SPATA1: variants seen among roughly 807,000 people sequenced by gnomAD.
SPATA1 encodes the protein spermatogenesis-associated protein 1.
A neutral mutation model predicts 59.6 loss-of-function variants in SPATA1; 57 were observed. The ratio of observed to expected loss-of-function variants is 0.96; its 90% CI spans 0.77 to 1.19. SPATA1 has a LOEUF of 1.19. SPATA1 is among the 50% of genes most tolerant of loss of function. The pLI is 0.00. For synonymous variants in SPATA1, 147 were observed against 163.9 expected, an observed-to-expected ratio of 0.90 and a Z score of 0.79; for missense variants, 448 against 480.7, an observed-to-expected ratio of 0.93 and a Z score of 0.64.
chr1:84,563,678 G>A, intron 4 of SPATA1: 2 of 1,023,864 alleles, frequency 2.0e-6, no homozygotes, highest in Non-Finnish European at 1.4e-6. Flanking sequence ...TGAAAACAGA[G>A]AGACTCTAAA....
rs527681007 is a variant in SPATA1 at position 84,511,258 on chromosome 1, A to T, written c.-138+4840A>T. ...ATGCCTGTATCAAAATATTTCATGT[A>T]CCCATAAATATATACACCTACTACA... On this transcript the variant is annotated intron_variant, in intron 1 of 12. Transcript: ENST00000490879. 2.6e-5 allele frequency among the ~76,000 whole-genome samples: 4 copies of T among 152,326 alleles called. No individual in the cohort carries two copies. The South Asian group carries it at 8.3e-4, about 32-fold the overall frequency.
At chr1:84,514,970 CAA>C (rs1333837315) in intron 1 of SPATA1, among the ~76,000 whole-genome samples, 6 of 146,444 alleles carry the variant, frequency 4.1e-5, no homozygotes, top group Non-Finnish European at 7.5e-5. Context: ...GACTCTGTCT[CAA>C]AAAAAAAGAA....
chr1:84,525,125 C>G (rs1032616381), intron 4 of SPATA1, among the ~76,000 whole-genome samples: 3 of 152,082 alleles, frequency 2.0e-5, no homozygotes, highest in African/African-American at 7.2e-5. Context: ...AGCCACCACA[C>G]CTGGCTAATT....
intron 6 of SPATA1, 63 bp downstream of exon 6, chr1:84,526,136 C>A: frequency 7.1e-7 from 1 of 1,402,380 alleles, no homozygotes. Flanking sequence ...GCAGTCAAGT[C>A]TGTAAGCAAA....
At chr1:84,522,619 C>T (rs1057481492) in intron 4 of SPATA1, 112 bp downstream of exon 4, 2 of 470,020 alleles carry the variant, frequency 4.3e-6, no homozygotes, top group Non-Finnish European at 7.4e-6. Flanking sequence ...TATGTAATCT[C>T]AATCAAAATG....
intron 4 of SPATA1, among the ~76,000 whole-genome samples, chr1:84,562,799 A>G (rs1472572404): frequency 6.6e-6 from 1 of 152,148 alleles, no homozygotes; most frequent in Non-Finnish European, 1.5e-5. Flanking sequence ...TGAAAATGAT[A>G]GTTTTTCCAT....
At chr1:84,566,781 C>T (rs773508653), downstream of SPATA1, among the ~76,000 whole-genome samples, 19 of 152,188 alleles carry the variant, frequency 1.2e-4, no homozygotes, top group African/African-American at 3.1e-4. Context: ...TACAGGCATG[C>T]GCCACCACGC....
chr1:84,540,063 A>C (rs1279751790), intron 8 of SPATA1, among the ~76,000 whole-genome samples: 1 of 152,108 alleles, frequency 6.6e-6, no homozygotes, highest in Non-Finnish European at 1.5e-5. Flanking sequence ...TATTTGATAT[A>C]TTCCCATTCT....
intron 4 of SPATA1, chr1:84,563,899 T>C (rs1684641023): frequency 2.0e-6 from 3 of 1,501,540 alleles, no homozygotes; most frequent in South Asian, 1.4e-5. Context: ...ATACAAGCTA[T>C]GCAACCGTTC....
At chr1:84,518,031 A>G (rs1682869964) in intron 2 of SPATA1, among the ~76,000 whole-genome samples, 1 of 152,118 alleles carries the variant, frequency 6.6e-6, no homozygotes, top group African/African-American at 2.4e-5. Flanking sequence ...TATATAGTTA[A>G]CTGTTTACAG....
At chr1:84,509,729 G>A (rs185571809) in intron 1 of SPATA1, among the ~76,000 whole-genome samples, 5 of 152,326 alleles carry the variant, frequency 3.3e-5, no homozygotes, top group Non-Finnish European at 7.4e-5. Flanking sequence ...TCACGCCATT[G>A]CACTCCAGCC....
chr1:84,560,108 AGAAAGAAAGAAAGAAAGAAAGAAAG>A (rs1340648660), intron 4 of SPATA1, among the ~76,000 whole-genome samples: 218 of 131,418 alleles, frequency 1.7e-3, no homozygotes, highest in African/African-American at 6.7e-3. Context: ...AAAGAAAGAA[AGAAAGAAAGAAAGAAAGAAAGAAAG>A]GAAAGAAAGA....
At chr1:84,565,118 G>C (rs1231403068) in intron 4 of SPATA1, among the ~76,000 whole-genome samples, 1 of 151,778 alleles carries the variant, frequency 6.6e-6, no homozygotes, top group African/African-American at 2.4e-5. Context: ...GGCTAAGGCT[G>C]AGCTTGTGAG....
intron 1 of SPATA1, among the ~76,000 whole-genome samples, chr1:84,515,986 C>A (rs12141175): frequency 0.072 from 10,873 of 152,042 alleles, 783 homozygotes; most frequent in African/African-American, 0.18. Context: ...TAATTTTTGA[C>A]CAAGAAAAGA....
At chr1:84,544,647 G>A (rs535500141) in intron 9 of SPATA1, among the ~76,000 whole-genome samples, 4 of 151,786 alleles carry the variant, frequency 2.6e-5, no homozygotes, top group East Asian at 2.0e-4. Context: ...TGCAACCTCC[G>A]CCTCTCGGGT....
chr1:84,510,956 T>A (rs576666018), intron 1 of SPATA1, among the ~76,000 whole-genome samples: 1 of 152,012 alleles, frequency 6.6e-6, no homozygotes, highest in Non-Finnish European at 1.5e-5. Flanking sequence ...GCAGTAAAAA[T>A]TGAAACAGTT....
intron 6 of SPATA1, among the ~76,000 whole-genome samples, chr1:84,526,849 C>T (rs1428806646): frequency 3.7e-5 from 4 of 106,896 alleles, no homozygotes; most frequent in Non-Finnish European, 5.2e-5. Context: ...GTCTGGGTGA[C>T]AGAGCGAGAC....
At chr1:84,563,647 C>G (rs1046825373) in intron 4 of SPATA1, 2 of 819,266 alleles carry the variant, frequency 2.4e-6, no homozygotes, top group Admixed American at 2.9e-5. Context: ...TTCAGAGATT[C>G]TAAAGTTTAT....
chr1:84,512,163 A>G (rs1006658411), intron 1 of SPATA1, among the ~76,000 whole-genome samples: 15 of 152,226 alleles, frequency 9.9e-5, no homozygotes, highest in South Asian at 4.1e-4. Flanking sequence ...GAATTATGTC[A>G]AAAAATACTC....
Sources: gnomAD v4.1 joint callset for allele counts (sites outside exome capture counted in the v4.1 genomes callset) on GRCh38, gnomAD v4.1.1 for gene constraint, MANE v1.5 for transcripts, NCBI Gene and HGNC (gene_info 2026-07-23, HGNC 2026-07-21) for gene names.